TBCD: variants seen among roughly 807,000 people sequenced by gnomAD.
TBCD encodes tubulin-specific chaperone D.
TBCD carries 105 observed loss-of-function variants against 169.3 expected under a neutral mutation model. The ratio of observed to expected loss-of-function variants is 0.62; its 90% CI spans 0.53 to 0.73. The LOEUF (loss-of-function observed/expected upper bound fraction) is 0.73. Among genes scored for constraint, TBCD ranks in the 30% least tolerant of loss-of-function variants. The pLI is 0.00. For missense variants in TBCD, 1,444 were observed against 1,600.1 expected, an observed-to-expected ratio of 0.90 and a Z score of 1.66; for synonymous variants, 700 against 643.9, an observed-to-expected ratio of 1.09 and a Z score of -1.32.
At chr17:82,821,905 A>G (rs1439833221) in intron 13 of TBCD, among the ~76,000 whole-genome samples, 1 of 152,242 alleles carries the variant, frequency 6.6e-6, no homozygotes, top group Non-Finnish European at 1.5e-5. Context: ...TTTCGAAAAA[A>G]TTTTAATAAA....
chr17:82,765,438 C>A (rs1402500059), intron 3 of TBCD, among the ~76,000 whole-genome samples: 8 of 152,102 alleles, frequency 5.3e-5, no homozygotes, highest in Non-Finnish European at 1.0e-4. Context: ...TACAAGCTTG[C>A]GGGTGTCTGT....
At chr17:82,921,227 CAA>C (rs890447171) in intron 24 of TBCD, 4 of 520,140 alleles carry the variant, frequency 7.7e-6, no homozygotes, top group African/African-American at 7.6e-5. Flanking sequence ...TTAGGGGTAA[CAA>C]AAGAATAAAA....
chr17:82,942,541 T>C lies in TBCD; in HGVS notation c.*78T>C, dbSNP rs754951387. 1.9e-6 allele frequency: 3 copies of C among 1,600,354 alleles called. No individual in the cohort carries two copies. The highest frequency in any genetic ancestry group is 2.2e-5 in the South Asian group (2 of 90,420). On this transcript the variant is annotated 3_prime_UTR_variant, in exon 39 of 39. Transcript: ENST00000355528. ...CTGAGGGAGGCCGGTGTGGAAAGCCTCGCACAGTGGTGCCTCCAGCTGTTG... is the reference window on the plus strand; with the variant it reads ...CTGAGGGAGGCCGGTGTGGAAAGCCCCGCACAGTGGTGCCTCCAGCTGTTG...
At chr17:82,938,996 G>A (rs1450070544) in intron 36 of TBCD, 3 of 345,748 alleles carry the variant, frequency 8.7e-6, no homozygotes, top group Non-Finnish European at 1.1e-5. Context: ...TCTGGTGAGG[G>A]AGCAGGTTGG....
rs768238835 is a variant in TBCD, at chr17:82,900,739, T to C, written c.1730+8T>C. The C allele has an allele frequency of 9.9e-6, 16 of 1,612,792 alleles. No individual in the cohort carries two copies. Among genetic ancestry groups the C allele is most frequent in the Non-Finnish European group, 1.4e-5 (16 of 1,178,754 alleles). ...GATCAGCCACTGGGATGGGTAGGTT[T>C]TCTGTTTTTGTTTTTCTAAGAGCTT... On this transcript the variant is annotated splice_region_variant and intron_variant, in intron 18 of 38. Coordinates refer to ENST00000355528, the MANE Select transcript of TBCD (RefSeq NM_005993.5).
In TBCD at chr17:82,857,432, T is replaced by C. The variant is rs183940844; in HGVS notation, c.1319-12792T>C. On this transcript the variant is annotated intron_variant, in intron 13 of 38. Transcript: ENST00000355528. ...GTTGTCTTTTTTTTTCTTTTGATAA[T>C]GTCTTTGTATTGTGTCGTGTTTAAT... is the stretch of plus-strand genomic sequence containing the variant. 3.3e-5 allele frequency among the ~76,000 whole-genome samples: 5 copies of C among 152,318 alleles called. No individual in the cohort carries two copies. In the South Asian group the frequency reaches 6.2e-4, roughly 19 times the overall value.
At chr17:82,883,230 C>A in intron 14 of TBCD, among the ~76,000 whole-genome samples, 1 of 152,260 alleles carries the variant, frequency 6.6e-6, no homozygotes, top group Non-Finnish European at 1.5e-5. Context: ...AAACCAGGAA[C>A]CTCGGAGGCG....
At position 82,924,987 on chromosome 17, in the gene TBCD, T is replaced by C; in HGVS notation, c.2309T>C (p.Met770Thr). Reference sequence around the variant, plus strand: ...GCTGAGCTTCGGAACCCCGAGGAGATGACTCGCTGTGGCTTCTCGTTGGCC... The same window carrying C: ...GCTGAGCTTCGGAACCCCGAGGAGACGACTCGCTGTGGCTTCTCGTTGGCC... ...YLAELRNPEE[M>T]TRCGFSLALG... The change falls in exon 27 of 39, where the codon ATG becomes ACG. Residue 770 changes from methionine (M) to threonine (T), a missense_variant. Physicochemically the swap from Met to Thr is moderately conservative, Grantham distance 81. Coordinates refer to ENST00000355528, the MANE Select transcript of TBCD (RefSeq NM_005993.5). 6.3e-7 allele frequency: 1 copy of C among 1,575,806 alleles called. No homozygotes were observed. The highest frequency in any genetic ancestry group is 8.6e-7 in the Non-Finnish European group (1 of 1,159,482).
At chr17:82,807,767 C>T (rs530886150) in intron 11 of TBCD, 99 bp downstream of exon 11, 92 of 941,072 alleles carry the variant, frequency 9.8e-5, no homozygotes, top group South Asian at 4.9e-4. Flanking sequence ...AGTGGCAGCG[C>T]GGCCCCCTCC....
In TBCD at chr17:82,760,769, A is replaced by T. The variant is rs369535861; in HGVS notation, c.236-3196A>T. ...CATTTTCATCATCTGAAGCAACCCA[A>T]CTCCCATCAACAATTCCTTCCCATT... On this transcript the variant is annotated intron_variant, in intron 2 of 38. Coordinates refer to ENST00000355528, the MANE Select transcript of TBCD (RefSeq NM_005993.5). 1.2e-4 allele frequency among the ~76,000 whole-genome samples: 18 copies of T among 152,160 alleles called. 1 individual carries two copies. The South Asian group carries it at 1.9e-3, about 16-fold the overall frequency.
chr17:82,848,401 C>G (rs1205386943), intron 13 of TBCD, among the ~76,000 whole-genome samples: 1 of 152,150 alleles, frequency 6.6e-6, no homozygotes, highest in East Asian at 1.9e-4. Flanking sequence ...TTGGGAAACC[C>G]AATTCAGGTT....
chr17:82,926,835 C>T (rs940910544), intron 28 of TBCD: 2 of 495,992 alleles, frequency 4.0e-6, no homozygotes, highest in Non-Finnish European at 7.2e-6. Flanking sequence ...GCCATATGCC[C>T]TCTCCTCCCT....
intron 13 of TBCD, among the ~76,000 whole-genome samples, chr17:82,866,318 C>T (rs1240850017): frequency 6.6e-6 from 1 of 152,196 alleles, no homozygotes; most frequent in Non-Finnish European, 1.5e-5. Context: ...ATAGCAGCAC[C>T]TACCACCCTG....
At chr17:82,790,663 C>T (rs1288809152) in intron 7 of TBCD, among the ~76,000 whole-genome samples, 2 of 152,194 alleles carry the variant, frequency 1.3e-5, no homozygotes, top group Admixed American at 6.5e-5. Context: ...ATGTCAGCAG[C>T]GCCGTCCGGG....
intron 13 of TBCD, among the ~76,000 whole-genome samples, chr17:82,815,446 T>G (rs1233809136): frequency 3.9e-5 from 6 of 152,122 alleles, no homozygotes; most frequent in Non-Finnish European, 8.8e-5. Flanking sequence ...CACGCCAGCG[T>G]GAAACCAGGG....
intron 10 of TBCD, among the ~76,000 whole-genome samples, chr17:82,807,345 T>C (rs1598618900): frequency 1.3e-5 from 2 of 152,158 alleles, no homozygotes; most frequent in Admixed American, 1.3e-4. Context: ...GGCCTTCCCC[T>C]GGGGGCAGGC....
chr17:82,836,423 T>TC (rs2053980486), intron 13 of TBCD, among the ~76,000 whole-genome samples: 1 of 152,232 alleles, frequency 6.6e-6, no homozygotes, highest in Non-Finnish European at 1.5e-5. Context: ...TGCAAAATGT[T>TC]CATCAAGTGA....
intron 7 of TBCD, among the ~76,000 whole-genome samples, chr17:82,787,479 G>C (rs977964489): frequency 6.6e-6 from 1 of 152,226 alleles, no homozygotes; most frequent in African/African-American, 2.4e-5. Context: ...CTGTCTCTTG[G>C]AAGGGTCCGT....
chr17:82,779,134 C>T (rs753382083), intron 6 of TBCD, among the ~76,000 whole-genome samples: 2 of 151,996 alleles, frequency 1.3e-5, no homozygotes, highest in Non-Finnish European at 2.9e-5. Flanking sequence ...GCCTCAGCCT[C>T]CCGAGTAGCT....
Sources: gnomAD v4.1 joint callset for allele counts (sites outside exome capture counted in the v4.1 genomes callset) on GRCh38, gnomAD v4.1.1 for gene constraint, MANE v1.5 for transcripts, NCBI Gene and HGNC (gene_info 2026-07-23, HGNC 2026-07-21) for gene names.